The following ADAM23 variants were observed in gnomAD, a reference collection of about 807,000 sequenced individuals.
ADAM23 encodes ADAM metallopeptidase domain 23.
In ADAM23, 33 loss-of-function variants were observed where a neutral mutation model predicts 120.1. The ratio of observed to expected loss-of-function variants is 0.27; its 90% CI spans 0.21 to 0.37. The LOEUF is 0.37. Ranked by LOEUF, ADAM23 falls within the 10% of genes least tolerant of loss-of-function variation. The probability of loss-of-function intolerance (pLI) is 1.00; values close to 1 mark genes in which losing one functional copy is unlikely to be tolerated. For missense variants in ADAM23, 862 were observed against 1,058.2 expected, an observed-to-expected ratio of 0.81 and a Z score of 2.57; for synonymous variants, 367 against 375.2, an observed-to-expected ratio of 0.98 and a Z score of 0.25.
At chr2:206,446,493 G>GT (rs540391850) in intron 2 of ADAM23, among the ~76,000 whole-genome samples, 32 of 152,188 alleles carry the variant, frequency 2.1e-4, no homozygotes, top group Admixed American at 7.2e-4. Flanking sequence ...TTACATCATT[G>GT]TTTTTTATTA....
chr2:206,599,168 G>T (rs1325615981), intron 24 of ADAM23, among the ~76,000 whole-genome samples: 3 of 147,466 alleles, frequency 2.0e-5, no homozygotes, highest in Non-Finnish European at 4.4e-5. Context: ...TCGTGCCATT[G>T]TACTCCAGCC....
chr2:206,575,474 G>A (rs1321104923), intron 18 of ADAM23, among the ~76,000 whole-genome samples: 2 of 152,108 alleles, frequency 1.3e-5, no homozygotes. Flanking sequence ...GTATAGAAGT[G>A]AACATCTTTG....
At chr2:206,566,360 G>A (rs1048949931) in intron 14 of ADAM23, among the ~76,000 whole-genome samples, 4 of 152,010 alleles carry the variant, frequency 2.6e-5, no homozygotes, top group Admixed American at 2.6e-4. Context: ...TCATACATCA[G>A]AATGCATAAA....
chr2:206,578,669 G>T (rs937033199), intron 18 of ADAM23, among the ~76,000 whole-genome samples: 1 of 152,088 alleles, frequency 6.6e-6, no homozygotes, highest in African/African-American at 2.4e-5. Flanking sequence ...GTGGTTCCAT[G>T]ATTTTGCAGT....
intron 3 of ADAM23, among the ~76,000 whole-genome samples, chr2:206,483,830 G>A (rs965711343): frequency 6.6e-6 from 1 of 152,114 alleles, no homozygotes; most frequent in African/African-American, 2.4e-5. Flanking sequence ...GACAGAAACC[G>A]GGTTACAGTA....
At position 206,560,095 on chromosome 2, in the gene ADAM23, T is replaced by C; in HGVS notation, c.1146T>C (p.His382=). The change falls in exon 11 of 26, where the codon CAT becomes CAC. Residue 382 remains histidine (H), a synonymous_variant. Coordinates refer to ENST00000264377, the MANE Select transcript of ADAM23 (RefSeq NM_003812.4). ...AATACCGGCAGCGCATTAAGCAGCA[T>C]GCTGATGCTGTGCACCTCATCTCGT... The part of the protein sequence containing the change: ...FSKYRQRIKQ[H]ADAVHLISRV... 1 of 1,614,074 alleles carries C rather than the reference T, an allele frequency of 6.2e-7. No homozygotes were observed. Among genetic ancestry groups the C allele is most frequent in the Non-Finnish European group, 8.5e-7 (1 of 1,179,924 alleles).
intron 2 of ADAM23, among the ~76,000 whole-genome samples, chr2:206,448,092 T>C (rs1376220759): frequency 6.6e-6 from 1 of 152,246 alleles, no homozygotes; most frequent in African/African-American, 2.4e-5. Context: ...CAAACAATGT[T>C]GAAAAATCTT....
intron 20 of ADAM23, 64 bp downstream of exon 20, chr2:206,588,218 G>A: frequency 2.6e-6 from 4 of 1,544,188 alleles, no homozygotes; most frequent in Non-Finnish European, 2.7e-6. Context: ...GTTCTTCTCT[G>A]CCAGTCTTGC....
chr2:206,591,256 A>G (rs1698420476), intron 21 of ADAM23, among the ~76,000 whole-genome samples: 1 of 152,200 alleles, frequency 6.6e-6, no homozygotes, highest in African/African-American at 2.4e-5. Context: ...GTGAACTCCC[A>G]TGTCACTCCT....
chr2:206,463,624 C>A (rs1293835849), intron 2 of ADAM23, among the ~76,000 whole-genome samples: 1 of 152,118 alleles, frequency 6.6e-6, no homozygotes, highest in Non-Finnish European at 1.5e-5. Context: ...CAATGTGGGG[C>A]CGAAAAGGAA....
At position 206,596,131 on chromosome 2, in the gene ADAM23, C is replaced by A. The variant is rs781658049; in HGVS notation, c.2328C>A (p.Asn776Lys). 6.8e-6 allele frequency: 11 copies of A among 1,613,930 alleles called. No individual in the cohort carries two copies. In the Admixed American group the frequency reaches 1.5e-4, roughly 22 times the overall value. ...GCAGTATCCGGGATCCAGTTAGGAACCTTCACCCCCCCAAGGATGAAGGAC... is the reference window on the plus strand; with the variant it reads ...GCAGTATCCGGGATCCAGTTAGGAAACTTCACCCCCCCAAGGATGAAGGAC... ...TDCSIRDPVR[N>K]LHPPKDEGPK... The change falls in exon 24 of 26, where the codon AAC becomes AAA. Residue 776 changes from asparagine (N) to lysine (K), a missense_variant. Physicochemically the swap from Asn to Lys is moderately conservative, Grantham distance 94. Around this residue, in one of 4 missense-constraint regions of ADAM23, gnomAD observed 617 missense variants for 813.5 expected, o/e 0.76. Coordinates refer to ENST00000264377, the MANE Select transcript of ADAM23 (RefSeq NM_003812.4).
intron 13 of ADAM23, among the ~76,000 whole-genome samples, chr2:206,562,502 C>T (rs934775087): frequency 1.4e-4 from 22 of 152,262 alleles, no homozygotes; most frequent in African/African-American, 5.3e-4. Context: ...TCCATAAAAT[C>T]ATACCCAGTT....
chr2:206,609,989 C>T lies in ADAM23; in HGVS notation c.2439C>T (p.Gly813=). Residue 813 remains glycine, a synonymous_variant, in exon 25 of 26, where the codon GGC becomes GGT. Transcript: ENST00000264377. ...CAGCTATTGTCCTTGGGGGCACAGG[C>T]TGGGGATTTAAGTAAGCAACGCCGC... ...LVAAIVLGGT[G]WGFKNVKKRR... is the part of the protein sequence containing the mutation. 1 of 1,577,358 alleles carries T rather than the reference C, an allele frequency of 6.3e-7. No homozygotes were observed. Among genetic ancestry groups the T allele is most frequent in the Non-Finnish European group, 8.6e-7 (1 of 1,167,936 alleles).
At chr2:206,584,910 C>T (rs904162743) in intron 18 of ADAM23, among the ~76,000 whole-genome samples, 17 of 152,162 alleles carry the variant, frequency 1.1e-4, no homozygotes, top group Non-Finnish European at 2.4e-4. Flanking sequence ...ACTCTCAGGG[C>T]CTTTTTGTTG....
chr2:206,473,572 A>AAATAAT (rs137861771), intron 2 of ADAM23, among the ~76,000 whole-genome samples: 4,717 of 147,160 alleles, frequency 0.032, 248 homozygotes, highest in African/African-American at 0.11. Flanking sequence ...CCCATCTCTA[A>AAATAAT]AATAATAATA....
At chr2:206,561,811 A>G (rs1248360957) in intron 12 of ADAM23, among the ~76,000 whole-genome samples, 2 of 152,212 alleles carry the variant, frequency 1.3e-5, no homozygotes, top group Non-Finnish European at 2.9e-5. Context: ...GGTTATCTCA[A>G]TAGCCTACAA....
At chr2:206,498,521 C>A (rs376544399) in intron 3 of ADAM23, among the ~76,000 whole-genome samples, 8 of 152,116 alleles carry the variant, frequency 5.3e-5, no homozygotes, top group African/African-American at 1.9e-4. Context: ...TAAAGACTTA[C>A]ATGTTAGACC....
At position 206,619,775 on chromosome 2, in the gene ADAM23, A is replaced by G. The variant is rs1184325754; in HGVS notation, c.*2148A>G. 2 of 152,228 alleles carry G rather than the reference A, an allele frequency of 1.3e-5. No individual in the cohort carries two copies. The highest frequency in any genetic ancestry group is 2.9e-5 in the Non-Finnish European group (2 of 68,036). 9.4% of individuals were successfully genotyped at this position (152,228 alleles called of 1,614,324 possible). ...TAATTTCTATATTCTACAATAGACC[A>G]TCACCAAACATCTTATCATGTTGTT... On this transcript the variant is annotated 3_prime_UTR_variant, in exon 26 of 26. Coordinates refer to ENST00000264377, the MANE Select transcript of ADAM23 (RefSeq NM_003812.4).
At chr2:206,604,496 T>G (rs1474847867) in intron 24 of ADAM23, among the ~76,000 whole-genome samples, 3 of 152,106 alleles carry the variant, frequency 2.0e-5, no homozygotes, top group African/African-American at 4.8e-5. Context: ...TGTGTTGGTC[T>G]TCTTCCCTTA....
Sources: allele counts gnomAD v4.1 joint callset (sites outside exome capture counted in the v4.1 genomes callset), GRCh38; gene constraint gnomAD v4.1.1; regional missense constraint gnomAD v4.1.1; transcripts MANE v1.5; gene names NCBI Gene and HGNC (gene_info 2026-07-23, HGNC 2026-07-21).